PHIP: variants seen among roughly 807,000 people sequenced by gnomAD.
PHIP encodes the protein PHIP subunit of CUL4-Ring ligase complex.
PHIP carries 54 observed loss-of-function variants against 236.8 expected under a neutral mutation model. The observed-to-expected ratio is 0.23, with a 90% CI of 0.18 to 0.29. The LOEUF (loss-of-function observed/expected upper bound fraction) is 0.29, where lower values mean the gene tolerates loss of function less well. Ranked by LOEUF, PHIP falls within the 10% of genes least tolerant of loss-of-function variation. The pLI is 1.00. For missense variants in PHIP, 1,370 were observed against 2,190.8 expected (o/e 0.63, Z 7.48); for synonymous variants, 756 against 718.9 (o/e 1.05, Z -0.83).
At chr6:79,044,592 G>T (rs931411478) in intron 6 of PHIP, among the ~76,000 whole-genome samples, 3 of 152,230 alleles carry the variant, frequency 2.0e-5, no homozygotes, top group Non-Finnish European at 4.4e-5. Context: ...GCTGTCTGTT[G>T]TAAGAAAATA....
chr6:79,054,158 T>C (rs1772946545), intron 6 of PHIP, among the ~76,000 whole-genome samples: 1 of 149,876 alleles, frequency 6.7e-6, no homozygotes, highest in African/African-American at 2.4e-5. Flanking sequence ...CTCTCACAGC[T>C]AACCTGTTTT....
chr6:79,014,863 G>A (rs1224227596), intron 15 of PHIP, among the ~76,000 whole-genome samples: 1 of 151,706 alleles, frequency 6.6e-6, no homozygotes. Context: ...AACTGTATCA[G>A]TTATCACAAT....
chr6:79,011,102 T>C (rs1770550788), intron 15 of PHIP, among the ~76,000 whole-genome samples: 1 of 151,824 alleles, frequency 6.6e-6, no homozygotes, highest in Non-Finnish European at 1.5e-5. Context: ...ACAACTCTCA[T>C]CAAAACAAAG....
intron 6 of PHIP, among the ~76,000 whole-genome samples, chr6:79,057,128 A>C (rs1773115470): frequency 6.6e-6 from 1 of 152,164 alleles, no homozygotes; most frequent in Non-Finnish European, 1.5e-5. Context: ...TTTGAGATGA[A>C]TGTGAGATAT....
At chr6:78,970,505 C>T (rs368744012) in intron 25 of PHIP, among the ~76,000 whole-genome samples, 2 of 152,116 alleles carry the variant, frequency 1.3e-5, no homozygotes, top group South Asian at 2.1e-4. Context: ...ATCAAATTTA[C>T]GAATACAAAG....
intron 24 of PHIP, among the ~76,000 whole-genome samples, chr6:78,974,931 T>A (rs1326785112): frequency 6.6e-6 from 1 of 151,658 alleles, no homozygotes; most frequent in Non-Finnish European, 1.5e-5. Flanking sequence ...CACAGCCGAA[T>A]TCTACCAGAG....
intron 35 of PHIP, among the ~76,000 whole-genome samples, chr6:78,952,782 T>A (rs1002086857): frequency 1.3e-5 from 2 of 152,160 alleles, no homozygotes; most frequent in Non-Finnish European, 1.5e-5. Flanking sequence ...AATAACATAT[T>A]TTTTCCCTAT....
At chr6:78,980,401 T>C (rs1393283146) in intron 23 of PHIP, among the ~76,000 whole-genome samples, 1 of 151,946 alleles carries the variant, frequency 6.6e-6, no homozygotes, top group African/African-American at 2.4e-5. Context: ...TGAAAAACAG[T>C]AAAGTGCTGA....
At chr6:79,000,833 T>G (rs936298908) in intron 17 of PHIP, among the ~76,000 whole-genome samples, 1 of 152,102 alleles carries the variant, frequency 6.6e-6, no homozygotes, top group African/African-American at 2.4e-5. Flanking sequence ...ATAAGTCCAC[T>G]GGACTGCACT....
Position 79,078,214 on chromosome 6 carries a change from G to T in PHIP, c.-146C>A. ...CATTCAAGCAACGGCGGCGGAGGCGGAGGAGGAGGAGGAGGAAACAACAAC... is the reference window on the plus strand; with the variant it reads ...CATTCAAGCAACGGCGGCGGAGGCGTAGGAGGAGGAGGAGGAAACAACAAC... On this transcript the variant is annotated 5_prime_UTR_variant, in exon 1 of 40. Transcript: ENST00000275034. 1.7e-6 allele frequency: 1 copy of T among 578,664 alleles called. No homozygotes were observed. Among genetic ancestry groups the T allele is most frequent in the South Asian group, 2.6e-5 (1 of 38,932 alleles). 35.8% of individuals were successfully genotyped at this position (578,664 alleles called of 1,614,324 possible).
chr6:78,949,150 T>C (rs1170165021), intron 35 of PHIP, among the ~76,000 whole-genome samples: 2 of 152,160 alleles, frequency 1.3e-5, no homozygotes, highest in Admixed American at 6.5e-5. Context: ...CTTTATCAAG[T>C]TGTGGAAGTT....
At chr6:79,021,509 T>C (rs1055192671) in intron 9 of PHIP, among the ~76,000 whole-genome samples, 35 of 152,248 alleles carry the variant, frequency 2.3e-4, no homozygotes, top group South Asian at 1.5e-3. Context: ...ATAAAGAAAA[T>C]GTGGTACTTA....
chr6:79,011,009 T>A (rs1212512184), intron 15 of PHIP, among the ~76,000 whole-genome samples: 1 of 151,862 alleles, frequency 6.6e-6, no homozygotes, highest in Admixed American at 6.6e-5. Flanking sequence ...TCCTGAGAGT[T>A]GCACACATTT....
rs1314225231 is a variant in PHIP, at chr6:79,026,020, T to A, written c.745A>T (p.Ile249Phe). ...MIAAGSCDKM[I>F]RVWCLRTCAP... The stretch of plus-strand genomic sequence containing the variant: ...CAGGTTCGAAGACACCAGACTCGGA[T>A]CATTTTATCACAACTTCCAGCTGCT... The change falls in exon 8 of 40, where the codon ATC (isoleucine) becomes TTC (phenylalanine). Residue 249 changes from isoleucine (I) to phenylalanine (F), a missense_variant. Ile to Phe is a conservative substitution (Grantham distance 21). Around this residue, in one of 14 missense-constraint regions of PHIP, gnomAD observed 188 missense variants for 354.3 expected, o/e 0.53. Coordinates refer to ENST00000275034, the MANE Select transcript of PHIP (RefSeq NM_017934.7). 1 of 1,614,066 alleles carries A rather than the reference T, an allele frequency of 6.2e-7. No individual in the cohort carries two copies. The highest frequency in any genetic ancestry group is 8.5e-7 in the Non-Finnish European group (1 of 1,179,978).
At chr6:78,978,888 C>A (rs1438953925) in intron 23 of PHIP, among the ~76,000 whole-genome samples, 177 bp from the exon 24 acceptor site, 2 of 152,076 alleles carry the variant, frequency 1.3e-5, no homozygotes, top group Non-Finnish European at 2.9e-5. Flanking sequence ...ATTCAACCAA[C>A]CTTGACTGAA....
chr6:79,000,200 C>T (rs1769896419), intron 17 of PHIP, among the ~76,000 whole-genome samples: 2 of 151,512 alleles, frequency 1.3e-5, no homozygotes, highest in South Asian at 4.2e-4. Flanking sequence ...TAAAATATGA[C>T]AAAAAAAGAT....
intron 35 of PHIP, among the ~76,000 whole-genome samples, chr6:78,951,626 T>A (rs566404865): frequency 6.6e-6 from 1 of 152,358 alleles, no homozygotes; most frequent in South Asian, 2.1e-4. Context: ...TACATTTTTC[T>A]TATTTCTACT....
At chr6:79,010,808 AT>A (rs1333997506) in intron 15 of PHIP, among the ~76,000 whole-genome samples, 2 of 152,054 alleles carry the variant, frequency 1.3e-5, no homozygotes, top group South Asian at 4.1e-4. Context: ...GTACTAAGAA[AT>A]GTGAAAAGTC....
At chr6:78,960,745 A>G (rs1461306590) in intron 31 of PHIP, among the ~76,000 whole-genome samples, 1 of 152,140 alleles carries the variant, frequency 6.6e-6, no homozygotes, top group Non-Finnish European at 1.5e-5. Context: ...GGTTTTCACA[A>G]CTAGGGGGCT....
Sources: allele counts gnomAD v4.1 joint callset (sites outside exome capture counted in the v4.1 genomes callset), GRCh38; gene constraint gnomAD v4.1.1; regional missense constraint gnomAD v4.1.1; transcripts MANE v1.5; gene names NCBI Gene and HGNC (gene_info 2026-07-23, HGNC 2026-07-21).